The following MALRD1 variants were observed in gnomAD, a reference collection of about 807,000 sequenced individuals.
MALRD1 encodes the protein MAM and LDL-receptor class A domain-containing protein 1.
Under a neutral mutation model 242.1 loss-of-function variants are expected in MALRD1, and 247 were observed. The observed-to-expected ratio is 1.02, with a 90% CI of 0.92 to 1.13. MALRD1 has a LOEUF of 1.13. MALRD1 is among the 50% of genes most tolerant of loss of function. The pLI is 0.00. For missense variants in MALRD1, 2,989 were observed against 2,533.1 expected (o/e 1.18, Z -3.86); for synonymous variants, 995 against 866.6 (o/e 1.15, Z -2.60).
In MALRD1 at chr10:19,257,717, A is replaced by G. The variant is rs544906373; in HGVS notation, c.3025A>G (p.Thr1009Ala). 15 of 1,542,248 alleles carry G rather than the reference A, an allele frequency of 9.7e-6. No homozygotes were observed. The Admixed American group carries it at 2.4e-4, about 24-fold the overall frequency. The change falls in exon 19 of 40, where the codon ACT becomes GCT. Residue 1009 changes from threonine (T) to alanine (A), a missense_variant. Coordinates refer to ENST00000454679, the MANE Select transcript of MALRD1 (RefSeq NM_001142308.3). ...LVEASVGDGF[T>A]GDIAIDDLSF... ...GGAGGCTTCAGTGGGAGATGGCTTC[A>G]CTGGAGATATTGCGATTGATGATCT...
intron 33 of MALRD1, among the ~76,000 whole-genome samples, chr10:19,587,134 C>G (rs1284852739): frequency 6.6e-6 from 1 of 152,202 alleles, no homozygotes; most frequent in Non-Finnish European, 1.5e-5. Flanking sequence ...TCTGGCACTC[C>G]CTAGTGAGAT....
chr10:19,640,496 AT>A (rs35055207), intron 36 of MALRD1, among the ~76,000 whole-genome samples: 62,438 of 151,172 alleles, frequency 0.41, 13,236 homozygotes, highest in Non-Finnish European at 0.48. Flanking sequence ...GTATGTTTTA[AT>A]TTTTTTTTTC....
intron 36 of MALRD1, among the ~76,000 whole-genome samples, chr10:19,691,487 T>G (rs542210329): frequency 1.1e-3 from 165 of 152,252 alleles, no homozygotes; most frequent in Non-Finnish European, 2.3e-3. Flanking sequence ...TTGTAGCATG[T>G]ACTGTGAAGG....
At chr10:19,518,795 A>C (rs993826070) in intron 31 of MALRD1, among the ~76,000 whole-genome samples, 6 of 152,194 alleles carry the variant, frequency 3.9e-5, no homozygotes, top group Non-Finnish European at 1.5e-5. Flanking sequence ...ACTTTGGCTT[A>C]CTACATAATT....
intron 21 of MALRD1, among the ~76,000 whole-genome samples, chr10:19,318,290 G>A (rs1842782832): frequency 6.6e-6 from 1 of 151,716 alleles, no homozygotes; most frequent in Admixed American, 6.6e-5. Context: ...ACATTGTACT[G>A]TTCACAGTTT....
chr10:19,165,025 T>G (rs77595225), intron 12 of MALRD1, among the ~76,000 whole-genome samples: 1 of 151,788 alleles, frequency 6.6e-6, no homozygotes, highest in South Asian at 2.1e-4. Flanking sequence ...AGAAAATGAT[T>G]TTTAAGGAAA....
In MALRD1 at chr10:19,109,969, T is replaced by C. The variant is rs568925240; in HGVS notation, c.694+5894T>C. On this transcript the variant is annotated intron_variant, in intron 5 of 39. Coordinates refer to ENST00000454679, the MANE Select transcript of MALRD1 (RefSeq NM_001142308.3). Reference sequence around the variant, plus strand: ...CCTCCTGCTTACCTTTTCTTTGCAATGGTAATTACTTCTGATTCTGAACCT... The same window carrying C: ...CCTCCTGCTTACCTTTTCTTTGCAACGGTAATTACTTCTGATTCTGAACCT... Among the ~76,000 whole-genome samples the C allele has an allele frequency of 5.3e-5, 8 of 152,236 alleles. No individual in the cohort carries two copies. In the East Asian group the frequency reaches 1.5e-3, roughly 29 times the overall value.
chr10:19,160,296 A>C (rs1228806521), intron 12 of MALRD1, among the ~76,000 whole-genome samples: 1 of 144,474 alleles, frequency 6.9e-6, no homozygotes, highest in Non-Finnish European at 1.5e-5. Context: ...CCAGCCTTGC[A>C]TCCCAGGGAT....
At chr10:19,188,403 G>T (rs1210399991) in intron 14 of MALRD1, among the ~76,000 whole-genome samples, 1 of 152,112 alleles carries the variant, frequency 6.6e-6, no homozygotes, top group Non-Finnish European at 1.5e-5. Flanking sequence ...TCAAGAAATA[G>T]GATAATTCTG....
intron 38 of MALRD1, among the ~76,000 whole-genome samples, chr10:19,696,271 C>T (rs918127583): frequency 6.6e-6 from 1 of 152,096 alleles, no homozygotes; most frequent in Non-Finnish European, 1.5e-5. Flanking sequence ...TCCAAGTAAA[C>T]CAAGTAACAA....
chr10:19,184,757 A>T (rs1835664999), intron 14 of MALRD1, among the ~76,000 whole-genome samples: 1 of 152,144 alleles, frequency 6.6e-6, no homozygotes, highest in Admixed American at 6.5e-5. Context: ...CATGTTGGCC[A>T]GGCTGGTCTT....
At chr10:19,171,504 G>C (rs58689633) in intron 13 of MALRD1, among the ~76,000 whole-genome samples, 1 of 129,040 alleles carries the variant, frequency 7.7e-6, no homozygotes, top group Non-Finnish European at 1.6e-5. Flanking sequence ...ACATATATAT[G>C]TGTCTATGTG....
intron 36 of MALRD1, among the ~76,000 whole-genome samples, chr10:19,667,511 A>G (rs188565036): frequency 1.2e-4 from 19 of 152,106 alleles, no homozygotes; most frequent in African/African-American, 4.6e-4. Context: ...ATGGGGACAG[A>G]TTCTTTGTGG....
intron 21 of MALRD1, among the ~76,000 whole-genome samples, chr10:19,315,738 TAA>T (rs1352172867): frequency 1.4e-5 from 2 of 139,530 alleles, no homozygotes; most frequent in Non-Finnish European, 3.0e-5. Flanking sequence ...TAATGTTATA[TAA>T]TATATATCTA....
chr10:19,128,670 T>A (rs1837356931), intron 8 of MALRD1, among the ~76,000 whole-genome samples: 1 of 152,128 alleles, frequency 6.6e-6, no homozygotes, highest in Non-Finnish European at 1.5e-5. Context: ...ATAGCTGAGA[T>A]TCTGTATTAT....
intron 29 of MALRD1, among the ~76,000 whole-genome samples, chr10:19,477,240 A>G (rs1365910073): frequency 6.6e-6 from 1 of 152,180 alleles, no homozygotes; most frequent in Non-Finnish European, 1.5e-5. Flanking sequence ...AGAAATTTTT[A>G]TACTTGTATT....
chr10:19,378,665 C>T (rs1018359705), intron 26 of MALRD1, among the ~76,000 whole-genome samples: 1 of 152,070 alleles, frequency 6.6e-6, no homozygotes, highest in Admixed American at 6.5e-5. Context: ...GAATTCCTTG[C>T]ACTCTGACAT....
At chr10:19,155,224 G>A (rs1834098724) in intron 12 of MALRD1, 52 bp downstream of exon 12, 3 of 1,054,406 alleles carry the variant, frequency 2.8e-6, no homozygotes, top group Non-Finnish European at 3.6e-6. Flanking sequence ...GTAAATCGCT[G>A]AGCTTGGGTT....
chr10:19,057,351 G>A (rs1422449025), intron 1 of MALRD1, among the ~76,000 whole-genome samples: 1 of 152,084 alleles, frequency 6.6e-6, no homozygotes, highest in Admixed American at 6.6e-5. Flanking sequence ...TCTGCAGACG[G>A]CTGCCTTCTT....
Sources: gnomAD v4.1 joint callset for allele counts (sites outside exome capture counted in the v4.1 genomes callset) on GRCh38, gnomAD v4.1.1 for gene constraint, MANE v1.5 for transcripts, NCBI Gene and HGNC (gene_info 2026-07-23, HGNC 2026-07-21) for gene names.